KCNJ6: variants seen among roughly 807,000 people sequenced by gnomAD.
The protein encoded by KCNJ6 is potassium inwardly rectifying channel subfamily J member 6.
KCNJ6 carries 9 observed loss-of-function variants against 34.2 expected under a neutral mutation model. The observed-to-expected ratio is 0.26, with a 90% CI of 0.16 to 0.46. The LOEUF is 0.46. Ranked by LOEUF, KCNJ6 falls within the 20% of genes least tolerant of loss-of-function variation. The pLI is 1.00. For missense variants in KCNJ6, 236 were observed against 531.3 expected, an observed-to-expected ratio of 0.44 and a Z score of 5.46; for synonymous variants, 196 against 207.1, an observed-to-expected ratio of 0.95 and a Z score of 0.46.
intron 3 of KCNJ6, among the ~76,000 whole-genome samples, chr21:37,657,438 G>C (rs1465896788): frequency 6.6e-6 from 1 of 152,170 alleles, no homozygotes; most frequent in East Asian, 1.9e-4. Context: ...TGGGAGCCCT[G>C]GGAACCTTCT....
chr21:37,755,212 A>T (rs544730445), intron 2 of KCNJ6, among the ~76,000 whole-genome samples: 1 of 152,160 alleles, frequency 6.6e-6, no homozygotes, highest in Non-Finnish European at 1.5e-5. Context: ...GAAGAAATAG[A>T]ATCAAAAGGA....
chr21:37,660,526 C>T (rs66815183), intron 3 of KCNJ6, among the ~76,000 whole-genome samples: 42,967 of 152,074 alleles, frequency 0.28, 6,286 homozygotes, highest in Non-Finnish European at 0.3. Flanking sequence ...GACCTTGCCC[C>T]TTCCATTCCC....
intron 3 of KCNJ6, among the ~76,000 whole-genome samples, chr21:37,635,926 T>G (rs1424587316): frequency 1.3e-5 from 2 of 152,252 alleles, no homozygotes; most frequent in Non-Finnish European, 2.9e-5. Flanking sequence ...TTGTTGGAAA[T>G]TTTTTGTATT....
chr21:37,649,653 A>G (rs2054423407), intron 3 of KCNJ6, among the ~76,000 whole-genome samples: 1 of 152,228 alleles, frequency 6.6e-6, no homozygotes, highest in African/African-American at 2.4e-5. Context: ...CAGATGAACC[A>G]GCCTGGGTTC....
At chr21:37,681,535 G>C (rs977578463) in intron 3 of KCNJ6, among the ~76,000 whole-genome samples, 1 of 151,730 alleles carries the variant, frequency 6.6e-6, no homozygotes, top group African/African-American at 2.4e-5. Context: ...CCTGTAATTT[G>C]ATGAAGTGCT....
intron 3 of KCNJ6, among the ~76,000 whole-genome samples, chr21:37,661,270 C>T (rs981555567): frequency 1.3e-5 from 2 of 152,120 alleles, no homozygotes; most frequent in Non-Finnish European, 2.9e-5. Flanking sequence ...TAACAAATGA[C>T]TAGTAACTTT....
chr21:37,836,891 A>G (rs2055454469), intron 2 of KCNJ6, among the ~76,000 whole-genome samples: 1 of 152,152 alleles, frequency 6.6e-6, no homozygotes, highest in Non-Finnish European at 1.5e-5. Flanking sequence ...AGTATTATAT[A>G]TAAAAAAAGA....
chr21:37,837,142 C>T (rs139539694), intron 2 of KCNJ6, among the ~76,000 whole-genome samples: 9 of 152,146 alleles, frequency 5.9e-5, no homozygotes, highest in East Asian at 3.9e-4. Flanking sequence ...ATGCTTTGTG[C>T]GTGTTTTTGT....
At chr21:37,813,041 A>C (rs1338759218) in intron 2 of KCNJ6, among the ~76,000 whole-genome samples, 1 of 152,256 alleles carries the variant, frequency 6.6e-6, no homozygotes, top group African/African-American at 2.4e-5. Context: ...AAAAGTTATT[A>C]GAATTGATAA....
intron 3 of KCNJ6, among the ~76,000 whole-genome samples, chr21:37,706,966 C>T (rs891628272): frequency 3.9e-5 from 6 of 152,202 alleles, no homozygotes; most frequent in Admixed American, 2.0e-4. Context: ...CCTCAGAAGA[C>T]CTGGGAGTAA....
rs1374536696 is a variant in KCNJ6, at chr21:37,624,432, A to G, written c.*727T>C. 6.6e-6 allele frequency: 1 copy of G among 152,188 alleles called. No individual in the cohort carries two copies. Among genetic ancestry groups the G allele is most frequent in the African/African-American group, 2.4e-5 (1 of 41,454 alleles). The allele number at this position is 152,188 out of a possible 1,614,324, so 9.4% of individuals were successfully genotyped here. ...AAATAACCTGGAAAACACAGACATC[A>G]AAACAGAAATGCCTACTGCATGTTA... is the stretch of plus-strand genomic sequence containing the variant. On this transcript the variant is annotated 3_prime_UTR_variant, in exon 4 of 4. Coordinates refer to ENST00000609713, the MANE Select transcript of KCNJ6 (RefSeq NM_002240.5).
intron 2 of KCNJ6, among the ~76,000 whole-genome samples, chr21:37,833,955 G>A (rs943394678): frequency 8.5e-5 from 13 of 152,112 alleles, no homozygotes; most frequent in Non-Finnish European, 1.9e-4. Flanking sequence ...GGGGTGTCTC[G>A]AAAGCTTCGC....
At chr21:37,656,429 G>A (rs1286556243) in intron 3 of KCNJ6, among the ~76,000 whole-genome samples, 1 of 152,202 alleles carries the variant, frequency 6.6e-6, no homozygotes, top group Non-Finnish European at 1.5e-5. Context: ...TGCAGACCCA[G>A]GCTGAGTCAA....
intron 2 of KCNJ6, among the ~76,000 whole-genome samples, chr21:37,773,242 C>T (rs2835952): frequency 0.43 from 65,951 of 152,030 alleles, 16,191 homozygotes; most frequent in African/African-American, 0.67. Context: ...TGAGGCTTCA[C>T]GGCATAGCAG....
intron 1 of KCNJ6, among the ~76,000 whole-genome samples, chr21:37,850,340 C>T (rs114356425): frequency 0.013 from 2,025 of 151,980 alleles, 50 homozygotes; most frequent in African/African-American, 0.046. Flanking sequence ...TACTGGTCCG[C>T]GGCCTGTTAG....
At chr21:37,913,423 C>G (rs2055876486) in intron 1 of KCNJ6, among the ~76,000 whole-genome samples, 1 of 152,228 alleles carries the variant, frequency 6.6e-6, no homozygotes, top group Non-Finnish European at 1.5e-5. Context: ...CTAACAAACT[C>G]TCTCTCCTTT....
At chr21:37,871,534 G>C (rs1302711868) in intron 1 of KCNJ6, among the ~76,000 whole-genome samples, 1 of 152,212 alleles carries the variant, frequency 6.6e-6, no homozygotes, top group African/African-American at 2.4e-5. Context: ...ACAGAAATCT[G>C]GGCACAACCA....
Position 37,622,498 on chromosome 21 carries a change from G to T in KCNJ6, c.*2661C>A, listed in dbSNP as rs1033840712. ...CTGTGTTAACAACTGTAGAAAAATAGACATGTTTGATAGGGACATTCTAGT... is the reference window on the plus strand; with the variant it reads ...CTGTGTTAACAACTGTAGAAAAATATACATGTTTGATAGGGACATTCTAGT... On this transcript the variant is annotated 3_prime_UTR_variant, in exon 4 of 4. Coordinates refer to ENST00000609713, the MANE Select transcript of KCNJ6 (RefSeq NM_002240.5). 3 of 152,192 alleles carry T rather than the reference G, an allele frequency of 2.0e-5. No homozygotes were observed. The highest frequency in any genetic ancestry group is 7.2e-5 in the African/African-American group (3 of 41,454). 9.4% of individuals were successfully genotyped at this position (152,192 alleles called of 1,614,324 possible). A position where few individuals can be genotyped will look rare whatever the true frequency, so the allele number is the denominator to read the frequency against.
At chr21:37,834,475 A>G (rs2055441987) in intron 2 of KCNJ6, among the ~76,000 whole-genome samples, 2 of 152,246 alleles carry the variant, frequency 1.3e-5, no homozygotes, top group South Asian at 4.1e-4. Flanking sequence ...TGCTTCTGCA[A>G]GAACGCATGC....
Sources: allele counts gnomAD v4.1 joint callset (sites outside exome capture counted in the v4.1 genomes callset), GRCh38; gene constraint gnomAD v4.1.1; transcripts MANE v1.5; gene names NCBI Gene and HGNC (gene_info 2026-07-23, HGNC 2026-07-21).